Variants in DMD observed in about 807,000 individuals in gnomAD.
DMD encodes mutant dystrophin.
In DMD, 63 loss-of-function variants were observed where a neutral mutation model predicts 330.1. The observed-to-expected ratio is 0.19, with a 90% CI of 0.16 to 0.24. The LOEUF is 0.24. Ranked by LOEUF, DMD falls within the 10% of genes least tolerant of loss-of-function variation. The pLI, the probability that DMD is intolerant of heterozygous loss-of-function variation, is 1.00. For missense variants in DMD, 3,344 were observed against 2,684.1 expected (o/e 1.25, Z -5.43); for synonymous variants, 1,223 against 959.8 (o/e 1.27, Z -5.07).
rs2064498030 is a variant in DMD at position 32,705,112 on chromosome X, A to T, written c.650-5819T>A. On this transcript the variant is annotated intron_variant, in intron 7 of 78. Transcript: ENST00000357033. The stretch of plus-strand genomic sequence containing the variant: ...TTGTACATACATGTATTCTCTACTT[A>T]CAAGTCACTATATACAATAGATATA... Among the ~76,000 whole-genome samples the T allele has an allele frequency of 1.8e-5, 2 of 112,264 alleles. 1 individual carries two copies. The highest frequency in any genetic ancestry group is 7.3e-4 in the South Asian group (2 of 2,753).
chrX:31,513,241 A>G (rs2071829971), intron 55 of DMD, among the ~76,000 whole-genome samples: 1 of 95,823 alleles, frequency 1.0e-5, no homozygotes, highest in Admixed American at 1.2e-4. Flanking sequence ...TTGGGCTGAG[A>G]CGATGGGGTT....
chrX:32,045,860 G>T (rs1603623141), intron 44 of DMD, among the ~76,000 whole-genome samples: 1 of 112,557 alleles, frequency 8.9e-6, no homozygotes, highest in East Asian at 2.8e-4. Flanking sequence ...TTTCTAAACT[G>T]TTACCTCTAC....
chrX:33,144,353 G>A (rs768121945), intron 1 of DMD, among the ~76,000 whole-genome samples: 2 of 111,252 alleles, frequency 1.8e-5, no homozygotes. Flanking sequence ...ATAAAATCTA[G>A]TGTTCTGTAC....
Position 31,426,202 on chromosome X carries a change from TA to T in DMD, c.9084+18278del, listed in dbSNP as rs1287335562. Among the ~76,000 whole-genome samples the T allele has an allele frequency of 8.2e-4, 91 of 110,723 alleles. 1 individual carries two copies. Among genetic ancestry groups the T allele is most frequent in the African/African-American group, 2.7e-3 (82 of 30,496 alleles). Reference sequence around the variant, plus strand: ...TGCCTGATTCCACTGGAGTTCGTGTTAAAAAAAAATATATTCCCAAGTCTAT... The same window carrying T: ...TGCCTGATTCCACTGGAGTTCGTGTTAAAAAAAATATATTCCCAAGTCTAT... On this transcript the variant is annotated intron_variant, in intron 60 of 78. Transcript: ENST00000357033.
chrX:31,178,742 T>C lies in DMD; in HGVS notation c.10150A>G (p.Arg3384Gly). 1.7e-6 allele frequency: 2 copies of C among 1,211,086 alleles called. No homozygotes were observed. The highest frequency in any genetic ancestry group is 2.2e-6 in the Non-Finnish European group (2 of 894,864). The change falls in exon 70 of 79, where the codon AGG becomes GGG. Residue 3384 changes from arginine to glycine, a missense_variant. Arg to Gly is a moderately radical substitution (Grantham distance 125). Coordinates refer to ENST00000357033, the MANE Select transcript of DMD (RefSeq NM_004006.3). ...ATTCGGGGATGCTTCGCAAAATACC[T>C]TTTGGTTCGAAATTTGTTTTTTAGT... ...KVLKNKFRTK[R>G]YFAKHPRMGY...
chrX:33,249,708 C>T (rs1442716841), intron 1 of DMD, among the ~76,000 whole-genome samples: 3 of 111,338 alleles, frequency 2.7e-5, no homozygotes, highest in Non-Finnish European at 5.6e-5. Context: ...TGCAAACATT[C>T]CCTACCTCTC....
At chrX:31,952,559 T>C (rs2095197915) in intron 45 of DMD, among the ~76,000 whole-genome samples, 1 of 111,199 alleles carries the variant, frequency 9.0e-6, no homozygotes, top group Non-Finnish European at 1.9e-5. Flanking sequence ...TTCTTTTATA[T>C]AGTGTGTATC....
At chrX:32,687,163 T>G (rs1420444649) in intron 9 of DMD, among the ~76,000 whole-genome samples, 4 of 112,173 alleles carry the variant, frequency 3.6e-5, no homozygotes. Flanking sequence ...AACTTCTTAA[T>G]CAGGAGCCTG....
At chrX:32,373,962 A>G (rs1396309318) in intron 34 of DMD, among the ~76,000 whole-genome samples, 1 of 111,701 alleles carries the variant, frequency 9.0e-6, no homozygotes, top group Non-Finnish European at 1.9e-5. Context: ...AGCAATCAAC[A>G]TCCGTTATTT....
chrX:32,418,230 G>A (rs917099050), intron 29 of DMD, among the ~76,000 whole-genome samples: 1 of 111,127 alleles, frequency 9.0e-6, no homozygotes, highest in East Asian at 2.8e-4. Context: ...CTGAAACTAC[G>A]CATCAAACTA....
chrX:32,536,010 T>A (rs1341929482), intron 17 of DMD, among the ~76,000 whole-genome samples: 1 of 111,312 alleles, frequency 9.0e-6, no homozygotes, highest in Non-Finnish European at 1.9e-5. Context: ...CTCATGCCTC[T>A]AATCCCAGTA....
chrX:32,828,190 G>A (rs979519617), intron 4 of DMD, among the ~76,000 whole-genome samples: 2 of 111,516 alleles, frequency 1.8e-5, no homozygotes, highest in Non-Finnish European at 3.8e-5. Context: ...AAACATATAT[G>A]TGCATGTGTC....
At chrX:31,609,518 CGT>C (rs74965499) in intron 55 of DMD, among the ~76,000 whole-genome samples, 4 of 109,714 alleles carry the variant, frequency 3.6e-5, no homozygotes, top group East Asian at 2.9e-4. Flanking sequence ...CGTGTGTGTG[CGT>C]GTGTGTGTGT....
At chrX:32,550,304 CAAT>C (rs1195548666) in intron 16 of DMD, among the ~76,000 whole-genome samples, 1 of 111,633 alleles carries the variant, frequency 9.0e-6, no homozygotes, top group Non-Finnish European at 1.9e-5. Context: ...GACCACAGTG[CAAT>C]AAAAATAGAA....
chrX:32,272,124 T>A (rs1265986878), intron 43 of DMD, among the ~76,000 whole-genome samples: 1 of 112,158 alleles, frequency 8.9e-6, no homozygotes, highest in Non-Finnish European at 1.9e-5. Context: ...AATGGTAACA[T>A]GTTGCAAACA....
intron 62 of DMD, among the ~76,000 whole-genome samples, chrX:31,278,422 G>A (rs1207087126): frequency 9.0e-6 from 1 of 111,312 alleles, no homozygotes; most frequent in Non-Finnish European, 1.9e-5. Context: ...CGTTCATCAA[G>A]TCTGAAGTTC....
chrX:32,769,388 A>G (rs1428356679), intron 7 of DMD, among the ~76,000 whole-genome samples: 1 of 111,206 alleles, frequency 9.0e-6, no homozygotes, highest in Non-Finnish European at 1.9e-5. Context: ...ACCTGCCCCC[A>G]TGATTCAATT....
intron 7 of DMD, among the ~76,000 whole-genome samples, chrX:32,704,662 T>C (rs1465165754): frequency 8.9e-6 from 1 of 112,307 alleles, no homozygotes; most frequent in East Asian, 2.8e-4. Flanking sequence ...GAGGATGTCA[T>C]TTAGAAACCA....
intron 3 of DMD, among the ~76,000 whole-genome samples, chrX:32,847,865 G>T (rs992867629): frequency 8.9e-6 from 1 of 112,212 alleles, no homozygotes; most frequent in Non-Finnish European, 1.9e-5. Flanking sequence ...TGCAAATCAT[G>T]TGGATTTTTT....
Sources: allele counts gnomAD v4.1 joint callset (sites outside exome capture counted in the v4.1 genomes callset), GRCh38; gene constraint gnomAD v4.1.1; transcripts MANE v1.5; gene names NCBI Gene and HGNC (gene_info 2026-07-23, HGNC 2026-07-21).